The following KANK4 variants were observed in gnomAD, a reference collection of about 807,000 sequenced individuals.
KANK4 encodes the protein KN motif and ankyrin repeat domain-containing protein 4.
A neutral mutation model predicts 80.8 loss-of-function variants in KANK4; 50 were observed. That is an observed-to-expected ratio of 0.62 (90% confidence interval 0.49 to 0.78). The LOEUF is 0.78. KANK4 is among the 30% of genes least tolerant of loss of function. The probability of loss-of-function intolerance (pLI) is 0.00; values close to 1 mark genes in which losing one functional copy is unlikely to be tolerated. For missense variants in KANK4, 1,196 were observed against 1,240.1 expected (o/e 0.96, Z 0.53); for synonymous variants, 465 against 506.9 (o/e 0.92, Z 1.11).
intron 1 of KANK4, among the ~76,000 whole-genome samples, chr1:62,289,340 G>C (rs1461738148): frequency 6.6e-6 from 1 of 152,154 alleles, no homozygotes; most frequent in African/African-American, 2.4e-5. Flanking sequence ...ATGTTTTTCT[G>C]ATGCTAATAT....
At chr1:62,266,059 T>G (rs1409471584) in intron 6 of KANK4, among the ~76,000 whole-genome samples, 1 of 152,204 alleles carries the variant, frequency 6.6e-6, no homozygotes, top group East Asian at 1.9e-4. Context: ...TACATGCTTT[T>G]CACACTCTGT....
Position 62,263,298 on chromosome 1 carries a change from T to C in KANK4, c.2333A>G (p.Asn778Ser). The C allele has an allele frequency of 2.5e-6, 4 of 1,612,954 alleles. No individual in the cohort carries two copies. In the Admixed American group the frequency reaches 5.0e-5, roughly 20 times the overall value. Residue 778 changes from asparagine (N) to serine (S), a missense_variant, in exon 7 of 10, where the codon AAC (asparagine) becomes AGC (serine). Coordinates refer to ENST00000371153, the MANE Select transcript of KANK4 (RefSeq NM_181712.5). Reference sequence around the variant, plus strand: ...GCGGAACCACTCTTGACTGATGGTGTTCAAGCTTTGCCTCTGAAACCCCAA... The same window carrying C: ...GCGGAACCACTCTTGACTGATGGTGCTCAAGCTTTGCCTCTGAAACCCCAA... Reference protein sequence around the residue: ...TTDQLLRQSLNTISQEWFRVS... With the variant: ...TTDQLLRQSLSTISQEWFRVS...
Position 62,274,183 on chromosome 1 carries a change from G to A in KANK4, c.921C>T (p.Ile307=). ...ELLLEEIELN[I]SEIPPPPPVE... ...CAGGTGGCGGGGGTGGAATCTCGCT[G>A]ATGTTGAGCTCGATTTCTTCCAGGA... Residue 307 remains isoleucine, a synonymous_variant, in exon 3 of 10, where the codon ATC becomes ATT. Transcript: ENST00000371153. The A allele has an allele frequency of 1.9e-6, 3 of 1,614,196 alleles. No individual in the cohort carries two copies. Among genetic ancestry groups the A allele is most frequent in the Non-Finnish European group, 2.5e-6 (3 of 1,180,032 alleles).
intron 1 of KANK4, among the ~76,000 whole-genome samples, chr1:62,304,067 G>A (rs1644432615): frequency 1.3e-5 from 2 of 151,826 alleles, no homozygotes; most frequent in South Asian, 4.1e-4. Flanking sequence ...TAGAGACAGG[G>A]TTTCCGCATG....
At chr1:62,279,198 GCACACACACACACACACA>G (rs10560623) in intron 2 of KANK4, among the ~76,000 whole-genome samples, 31 of 146,290 alleles carry the variant, frequency 2.1e-4, no homozygotes, top group African/African-American at 7.1e-4. Flanking sequence ...GCTAGCGCGC[GCACACACACACACACACA>G]CACACACACA....
At chr1:62,299,025 T>C (rs1178949641) in intron 1 of KANK4, among the ~76,000 whole-genome samples, 5 of 152,062 alleles carry the variant, frequency 3.3e-5, no homozygotes, top group Admixed American at 3.3e-4. Flanking sequence ...AAGGCAGAGC[T>C]AGGGATGAAT....
chr1:62,274,882 G>A lies in KANK4; in HGVS notation c.222C>T (p.Ser74=), dbSNP rs1672273502. 1 of 1,614,048 alleles carries A rather than the reference G, an allele frequency of 6.2e-7. No individual in the cohort carries two copies. The highest frequency in any genetic ancestry group is 1.3e-5 in the African/African-American group (1 of 74,938). ...GGGGGCGAGCCCCACTGTCAGGAAG[G>A]CTGAAGTTTCGGGGCAGAGTGCTAA... ...AKFSTLPRNF[S]LPDSGARPPA... is the part of the protein sequence containing the mutation. The change falls in exon 3 of 10, where the codon AGC becomes AGT. Residue 74 remains serine (S), a synonymous_variant. Transcript: ENST00000371153.
At chr1:62,317,266 G>A (rs1644549580) in intron 1 of KANK4, among the ~76,000 whole-genome samples, 1 of 152,178 alleles carries the variant, frequency 6.6e-6, no homozygotes, top group Admixed American at 6.5e-5. Flanking sequence ...ACCACTCCTA[G>A]CACAAATCTC....
At chr1:62,286,807 G>A (rs918983330) in intron 1 of KANK4, among the ~76,000 whole-genome samples, 1 of 152,072 alleles carries the variant, frequency 6.6e-6, no homozygotes, top group Admixed American at 6.5e-5. Context: ...TTAAACAAAC[G>A]GAAATCTGTC....
chr1:62,281,653 C>T lies in KANK4; in HGVS notation c.-70-19G>A. On this transcript the variant is annotated intron_variant, in intron 1 of 9. Transcript: ENST00000371153. ...GAAGGTTCTGAAAGAAAGGAGGATA[C>T]AGAAGTGGTGAGTCTCATTAGCGTT... 1.3e-5 allele frequency: 19 copies of T among 1,457,530 alleles called. No individual in the cohort carries two copies. Among genetic ancestry groups the T allele is most frequent in the Non-Finnish European group, 1.7e-5 (18 of 1,037,408 alleles). The allele number at this position is 1,457,530 out of a possible 1,614,324, so 90.3% of individuals were successfully genotyped here.
intron 6 of KANK4, among the ~76,000 whole-genome samples, chr1:62,265,698 C>G (rs570325638): frequency 6.6e-6 from 1 of 152,198 alleles, no homozygotes; most frequent in African/African-American, 2.4e-5. Context: ...AAAATGCTTA[C>G]GGGTTGTTCC....
At chr1:62,314,292 T>G (rs1345449406) in intron 1 of KANK4, among the ~76,000 whole-genome samples, 1 of 152,074 alleles carries the variant, frequency 6.6e-6, no homozygotes, top group East Asian at 1.9e-4. Flanking sequence ...GGCATTAAGG[T>G]GTGAGCCACT....
chr1:62,292,282 T>C (rs755503013), intron 1 of KANK4, among the ~76,000 whole-genome samples: 3 of 152,226 alleles, frequency 2.0e-5, no homozygotes, highest in Middle Eastern at 3.4e-3. Context: ...ATAGAGTCCA[T>C]ACAAGGGCCC....
chr1:62,282,782 G>A (rs907424612), intron 1 of KANK4, among the ~76,000 whole-genome samples: 5 of 152,210 alleles, frequency 3.3e-5, no homozygotes, highest in Non-Finnish European at 7.3e-5. Flanking sequence ...CTATCCAGGT[G>A]GATGGAGCCC....
chr1:62,318,757 A>G (rs1464573953), intron 1 of KANK4, among the ~76,000 whole-genome samples: 1 of 152,214 alleles, frequency 6.6e-6, no homozygotes, highest in Non-Finnish European at 1.5e-5. Flanking sequence ...TCGCAAGGAC[A>G]GCACGGCCTC....
intron 9 of KANK4, among the ~76,000 whole-genome samples, chr1:62,245,991 A>AGCCG (rs1393287232): frequency 6.6e-6 from 1 of 152,116 alleles, no homozygotes; most frequent in African/African-American, 2.4e-5. Context: ...AGTTTAATGG[A>AGCCG]GCCGGGTTCC....
intron 8 of KANK4, among the ~76,000 whole-genome samples, chr1:62,248,871 T>C (rs1200157210): frequency 1.4e-5 from 2 of 146,366 alleles, no homozygotes; most frequent in Non-Finnish European, 3.0e-5. Context: ...AAAATTAATG[T>C]AACAATTGGG....
At chr1:62,269,032 C>A (rs76337799) in intron 4 of KANK4, among the ~76,000 whole-genome samples, 3,018 of 152,340 alleles carry the variant, frequency 0.02, 85 homozygotes, top group African/African-American at 0.069. Context: ...GCATGAACTC[C>A]TCCACACCTA....
chr1:62,311,426 T>C (rs1314869132), intron 1 of KANK4, among the ~76,000 whole-genome samples: 1 of 152,050 alleles, frequency 6.6e-6, no homozygotes, highest in Non-Finnish European at 1.5e-5. Flanking sequence ...ACACAACCAC[T>C]ACTCTAATAA....
Sources: allele counts gnomAD v4.1 joint callset (sites outside exome capture counted in the v4.1 genomes callset), GRCh38; gene constraint gnomAD v4.1.1; transcripts MANE v1.5; gene names NCBI Gene and HGNC (gene_info 2026-07-23, HGNC 2026-07-21).